The following TRPM4 variants were observed in gnomAD, a reference collection of about 807,000 sequenced individuals.
TRPM4 encodes calcium-activated non-selective cation channel 1.
Under a neutral mutation model 135.6 loss-of-function variants are expected in TRPM4, and 124 were observed. The observed-to-expected ratio is 0.91, with a 90% confidence interval of 0.79 to 1.06. TRPM4 has a LOEUF of 1.06. Among genes scored for constraint, TRPM4 ranks in the 50% least tolerant of loss-of-function variants. The pLI is 0.00. For synonymous variants in TRPM4, 745 were observed against 705.6 expected (o/e 1.06, Z -0.88); for missense variants, 1,658 against 1,671.4 (o/e 0.99, Z 0.14).
At chr19:49,174,313 C>A (rs766981004) in intron 9 of TRPM4, among the ~76,000 whole-genome samples, 2 of 152,066 alleles carry the variant, frequency 1.3e-5, no homozygotes, top group Non-Finnish European at 2.9e-5. Context: ...CCATCATGCC[C>A]GGCTGATTTT....
chr19:49,192,631 A>G (rs1484338512), intron 16 of TRPM4, among the ~76,000 whole-genome samples: 2 of 152,168 alleles, frequency 1.3e-5, no homozygotes, highest in Non-Finnish European at 2.9e-5. Flanking sequence ...AATGATGAGA[A>G]CACATGGACA....
intron 2 of TRPM4, among the ~76,000 whole-genome samples, chr19:49,165,521 GC>G (rs1238523436): frequency 2.0e-5 from 3 of 152,122 alleles, no homozygotes; most frequent in Non-Finnish European, 2.9e-5. Flanking sequence ...AGGAAACACG[GC>G]GTTCTTTCCC....
rs1969324269 is a variant in TRPM4, at chr19:49,210,716, A to G, written c.3335A>G (p.Tyr1112Cys). The G allele has an allele frequency of 6.2e-7, 1 of 1,614,096 alleles. No individual in the cohort carries two copies. The highest frequency in any genetic ancestry group is 8.5e-7 in the Non-Finnish European group (1 of 1,180,018). ...SSPALEHFRV[Y>C]LSKEAERKLL... is the part of the protein sequence containing the mutation. ...ACTCCGCCCGCCCCTGCAGGGGTTT[A>G]CCTTTCTAAGGAAGCCGAGCGGAAG... The change falls in exon 22 of 25, where the codon TAC becomes TGC. Residue 1112 changes from tyrosine to cysteine, a missense_variant. By Grantham distance (194) the Tyr-to-Cys change is radical. Transcript: ENST00000252826. This position sits in a 1 kb window ranked among gnomAD's most constrained non-coding sequence, Gnocchi z 4.1.
intron 10 of TRPM4, among the ~76,000 whole-genome samples, chr19:49,182,093 TGTCC>T (rs1967958767): frequency 1.6e-5 from 1 of 60,878 alleles, no homozygotes; most frequent in African/African-American, 8.1e-5. Flanking sequence ...TCCATCCATC[TGTCC>T]ATCCATCCAT....
intron 2 of TRPM4, chr19:49,159,761 G>A (rs1233517382): frequency 1.3e-5 from 2 of 152,222 alleles, no homozygotes; most frequent in Non-Finnish European, 2.9e-5. Context: ...GGGATTACAG[G>A]TGTGAGCCAC....
chr19:49,210,565 T>C lies in TRPM4; in HGVS notation c.3329-145T>C. 3 of 1,438,810 alleles carry C rather than the reference T, an allele frequency of 2.1e-6. No homozygotes were observed. Among genetic ancestry groups the C allele is most frequent in the African/African-American group, 1.4e-5 (1 of 71,670 alleles). The allele number at this position is 1,438,810 out of a possible 1,614,324, so 89.1% of individuals were successfully genotyped here. ...GCGGAGCTTAAGCACTGAGGGGCAGTGCTTACGGGTGAGGGGCGGGGCATG... is the reference window on the plus strand; with the variant it reads ...GCGGAGCTTAAGCACTGAGGGGCAGCGCTTACGGGTGAGGGGCGGGGCATG... On this transcript the variant is annotated intron_variant, in intron 21 of 24. Transcript: ENST00000252826. This position sits in a 1 kb window ranked among gnomAD's most constrained non-coding sequence, Gnocchi z 4.1.
intron 20 of TRPM4, among the ~76,000 whole-genome samples, chr19:49,205,258 G>A (rs7252866): frequency 0.059 from 8,910 of 152,058 alleles, 788 homozygotes; most frequent in African/African-American, 0.18. Context: ...GAGGGATGTC[G>A]GGGAGAGTCT....
chr19:49,200,935 A>C (rs1208305229), intron 19 of TRPM4, 150 bp downstream of exon 19: 2 of 816,676 alleles, frequency 2.4e-6, no homozygotes, highest in African/African-American at 1.7e-5. Flanking sequence ...TATATTCCCC[A>C]TCATCATCTC....
chr19:49,170,809 C>T (rs1021949939), intron 6 of TRPM4, among the ~76,000 whole-genome samples: 4 of 152,262 alleles, frequency 2.6e-5, no homozygotes, highest in South Asian at 2.1e-4. Context: ...TGGCCAGGCG[C>T]GCTGGCTCAC....
intron 17 of TRPM4, among the ~76,000 whole-genome samples, chr19:49,199,439 G>A (rs1968831311): frequency 6.6e-6 from 1 of 151,888 alleles, no homozygotes; most frequent in Admixed American, 6.6e-5. Context: ...TTTGTATTTT[G>A]TAGTAGAGAC....
In TRPM4 at chr19:49,183,065, C is replaced by T. The variant is rs1242509916; in HGVS notation, c.1609-13C>T. On this transcript the variant is annotated splice_polypyrimidine_tract_variant and intron_variant, in intron 11 of 24. Transcript: ENST00000252826. ...GAGGGGCTGGTCCTCACCACCCCTCCTTTTGCTGGCAGATGTATCTGCTCT... is the reference window on the plus strand; with the variant it reads ...GAGGGGCTGGTCCTCACCACCCCTCTTTTTGCTGGCAGATGTATCTGCTCT... 1 of 1,611,118 alleles carries T rather than the reference C, an allele frequency of 6.2e-7. No homozygotes were observed. The highest frequency in any genetic ancestry group is 8.5e-7 in the Non-Finnish European group (1 of 1,179,990).
chr19:49,197,332 CTT>C lies in TRPM4; in HGVS notation c.2645+460_2645+461del, dbSNP rs1406746672. ...TTTTTCTTTCTTTCTTTCTTTCTTT[CTT>C]TCTTTCTTTCTTTCTTTCTTTCTTT... On this transcript the variant is annotated intron_variant, in intron 17 of 24. Transcript: ENST00000252826. Among the ~76,000 whole-genome samples, 589 of 121,634 alleles carry C rather than the reference CTT, an allele frequency of 4.8e-3. 4 individuals carry two copies. The highest frequency in any genetic ancestry group is 6.7e-3 in the Non-Finnish European group (417 of 62,562). 79.8% of individuals were successfully genotyped at this position (121,634 alleles called of 152,430 possible). A position where few individuals can be genotyped will look rare whatever the true frequency, so the allele number is the denominator to read the frequency against.
chr19:49,196,446 G>A lies in TRPM4; in HGVS notation c.2217G>A (p.Ala739=), dbSNP rs778702926. Residue 739 remains alanine (A), a synonymous_variant, in exon 17 of 25, where the codon GCG becomes GCA. Transcript: ENST00000252826. ...VINGEGPVGT[A]DPAEKTPLGV... ...CTCTTCTCTTCCCCCACAGGACGGC[G>A]GACCCAGCCGAGAAGACGCCGCTGG... is the stretch of plus-strand genomic sequence containing the variant. 11 of 1,541,376 alleles carry A rather than the reference G, an allele frequency of 7.1e-6. No individual in the cohort carries two copies. Among genetic ancestry groups the A allele is most frequent in the African/African-American group, 2.7e-5 (2 of 73,082 alleles).
At chr19:49,177,764 AG>A (rs36125888) in intron 9 of TRPM4, among the ~76,000 whole-genome samples, 27,941 of 152,176 alleles carry the variant, frequency 0.18, 3,262 homozygotes, top group South Asian at 0.32. Context: ...GCTCAGAGAG[AG>A]GAAAAATGGC....
At position 49,166,025 on chromosome 19, in the gene TRPM4, G is replaced by A. The variant is rs555478815; in HGVS notation, c.93-16G>A. 6 of 1,578,228 alleles carry A rather than the reference G, an allele frequency of 3.8e-6. No individual in the cohort carries two copies. Among genetic ancestry groups the A allele is most frequent in the Admixed American group, 1.9e-5 (1 of 53,546 alleles). On this transcript the variant is annotated splice_polypyrimidine_tract_variant and intron_variant, in intron 2 of 24. Coordinates refer to ENST00000252826, the MANE Select transcript of TRPM4 (RefSeq NM_017636.4). ...GGGGGCAGCCCTGGGTTCACGCTCC[G>A]CCCTCGCACCCCCAGAGGGACCTTG...
In TRPM4 at chr19:49,168,744, G is replaced by A. The variant is rs778658455; in HGVS notation, c.796+8G>A. The A allele has an allele frequency of 6.3e-6, 10 of 1,580,474 alleles. No individual in the cohort carries two copies. Among genetic ancestry groups the A allele is most frequent in the Non-Finnish European group, 8.6e-6 (10 of 1,164,256 alleles). On this transcript the variant is annotated splice_region_variant and intron_variant, in intron 6 of 24. Coordinates refer to ENST00000252826, the MANE Select transcript of TRPM4 (RefSeq NM_017636.4). The stretch of plus-strand genomic sequence containing the variant: ...AGAAGACGGGCGTGGGAGGTGAGTG[G>A]TCGAACCCATGACCCACAACCCACG...
chr19:49,191,071 T>A (rs1041629505), intron 16 of TRPM4, among the ~76,000 whole-genome samples: 17 of 152,032 alleles, frequency 1.1e-4, no homozygotes, highest in African/African-American at 3.9e-4. Context: ...GGGTGCCACA[T>A]AGATCTCATG....
rs1242760407 is a variant in TRPM4 at position 49,200,336 on chromosome 19, C to T, written c.2682C>T (p.Val894=). ...TPGLYHLGRT[V]LCIDFMVFTV... is the part of the protein sequence containing the mutation. ...GTTTGTACCACCTGGGCCGCACTGT[C>T]CTCTGCATCGACTTCATGGTTTTCA... Residue 894 remains valine, a synonymous_variant, in exon 18 of 25, where the codon GTC becomes GTT. Transcript: ENST00000252826. 1.9e-6 allele frequency: 3 copies of T among 1,614,056 alleles called. No individual in the cohort carries two copies. Among genetic ancestry groups the T allele is most frequent in the African/African-American group, 1.3e-5 (1 of 74,916 alleles).
At chr19:49,183,780 T>TC (rs1968093271) in intron 12 of TRPM4, among the ~76,000 whole-genome samples, 2 of 70,298 alleles carry the variant, frequency 2.8e-5, no homozygotes, top group Non-Finnish European at 6.0e-5. Flanking sequence ...TTTTTCTTTT[T>TC]TTTTTTTTTT....
Sources: gnomAD v4.1 joint callset for allele counts (sites outside exome capture counted in the v4.1 genomes callset) on GRCh38, gnomAD v4.1.1 for gene constraint, Gnocchi (gnomAD v3.1) non-coding constraint, MANE v1.5 for transcripts, NCBI Gene and HGNC (gene_info 2026-07-23, HGNC 2026-07-21) for gene names.